Variants in RBFOX1 observed in about 807,000 individuals in gnomAD.
RBFOX1 encodes the protein RNA binding protein fox-1 homolog 1.
In RBFOX1, 8 loss-of-function variants were observed where a neutral mutation model predicts 57.7. The observed-to-expected ratio is 0.14, with a 90% CI of 0.08 to 0.25. The LOEUF (loss-of-function observed/expected upper bound fraction) is 0.25. Among genes scored for constraint, RBFOX1 ranks in the 10% least tolerant of loss-of-function variants. The pLI is 1.00. For missense variants in RBFOX1, 611 were observed against 548.5 expected, an observed-to-expected ratio of 1.11 and a Z score of -1.14; for synonymous variants, 326 against 222.4, an observed-to-expected ratio of 1.47 and a Z score of -4.15.
At chr16:5,491,936 G>A (rs553156846) in intron 2 of RBFOX1, among the ~76,000 whole-genome samples, 1 of 152,330 alleles carries the variant, frequency 6.6e-6, no homozygotes, top group East Asian at 1.9e-4. Flanking sequence ...AAGTTGGTCT[G>A]GGGTGGGGCC....
chr16:5,997,918 A>G (rs1456202694), intron 4 of RBFOX1, among the ~76,000 whole-genome samples: 1 of 152,170 alleles, frequency 6.6e-6, no homozygotes, highest in Non-Finnish European at 1.5e-5. Flanking sequence ...ATAACATGAA[A>G]TTTGAGTTCC....
chr16:7,587,995 A>C (rs1163053995), intron 7 of RBFOX1, among the ~76,000 whole-genome samples: 6 of 152,158 alleles, frequency 3.9e-5, no homozygotes, highest in Admixed American at 3.3e-4. Context: ...CCTGGGCAAC[A>C]TGGTGGAACC....
intron 3 of RBFOX1, among the ~76,000 whole-genome samples, chr16:6,734,770 T>C (rs2069653605): frequency 6.6e-6 from 1 of 152,156 alleles, no homozygotes; most frequent in Non-Finnish European, 1.5e-5. Context: ...ATCAGGACAA[T>C]ATAAGTTGTA....
At chr16:7,335,792 G>C (rs541474726) in intron 4 of RBFOX1, among the ~76,000 whole-genome samples, 4 of 152,174 alleles carry the variant, frequency 2.6e-5, no homozygotes, top group Admixed American at 2.0e-4. Context: ...AGGAAAATCA[G>C]AATCTTTATC....
At chr16:6,433,186 C>T (rs1597176828) in intron 2 of RBFOX1, among the ~76,000 whole-genome samples, 1 of 152,136 alleles carries the variant, frequency 6.6e-6, no homozygotes, top group African/African-American at 2.4e-5. Context: ...CAGTGAAAAG[C>T]AGTCAGGTGT....
At chr16:6,085,634 A>T (rs1231635185) in intron 1 of RBFOX1, among the ~76,000 whole-genome samples, 1 of 124,596 alleles carries the variant, frequency 8.0e-6, no homozygotes, top group Non-Finnish European at 1.9e-5. Flanking sequence ...CAGGCAGGAG[A>T]AGTAGCAGTG....
intron 4 of RBFOX1, among the ~76,000 whole-genome samples, chr16:7,215,213 G>A (rs1168368873): frequency 2.0e-5 from 3 of 152,128 alleles, no homozygotes; most frequent in East Asian, 1.9e-4. Context: ...AGCTTCATCC[G>A]TGTCTCCAAG....
At chr16:7,237,237 C>G (rs1431592305) in intron 4 of RBFOX1, among the ~76,000 whole-genome samples, 1 of 152,158 alleles carries the variant, frequency 6.6e-6, no homozygotes, top group African/African-American at 2.4e-5. Flanking sequence ...TCCAGAAGAC[C>G]ACATGCTGGA....
chr16:6,596,977 G>A (rs2097782294), intron 2 of RBFOX1, among the ~76,000 whole-genome samples: 2 of 152,136 alleles, frequency 1.3e-5, no homozygotes, highest in Non-Finnish European at 2.9e-5. Flanking sequence ...CTTTCTGAAT[G>A]AATGAGCTCT....
At chr16:6,941,592 C>T (rs769673127) in intron 3 of RBFOX1, among the ~76,000 whole-genome samples, 5 of 151,748 alleles carry the variant, frequency 3.3e-5, no homozygotes, top group Non-Finnish European at 5.9e-5. Context: ...ATCTCCTCTA[C>T]CTACTAAATT....
intron 1 of RBFOX1, among the ~76,000 whole-genome samples, chr16:6,167,323 TTCTC>T (rs1361458437): frequency 1.3e-5 from 2 of 152,208 alleles, no homozygotes; most frequent in Admixed American, 6.5e-5. Context: ...AAGTTGTACT[TTCTC>T]TGTGGACTTT....
At chr16:6,897,890 A>T (rs1003763203) in intron 3 of RBFOX1, among the ~76,000 whole-genome samples, 1 of 151,972 alleles carries the variant, frequency 6.6e-6, no homozygotes, top group Non-Finnish European at 1.5e-5. Context: ...TATATCCCCA[A>T]TTCCCTGGAG....
chr16:7,241,136 C>T (rs764577930), intron 4 of RBFOX1, among the ~76,000 whole-genome samples: 1 of 152,156 alleles, frequency 6.6e-6, no homozygotes, highest in East Asian at 1.9e-4. Context: ...GCAGAAGTAT[C>T]CCCTGCATTT....
chr16:7,668,661 A>C (rs1014145455), intron 13 of RBFOX1, among the ~76,000 whole-genome samples: 4 of 150,238 alleles, frequency 2.7e-5, no homozygotes, highest in African/African-American at 9.8e-5. Flanking sequence ...AACAGAACAG[A>C]ACACACACAC....
intron 3 of RBFOX1, among the ~76,000 whole-genome samples, chr16:6,916,425 G>T (rs1358510070): frequency 1.3e-5 from 2 of 152,014 alleles, no homozygotes; most frequent in Non-Finnish European, 1.5e-5. Context: ...CCCTAGGTGT[G>T]GAATTGCTGG....
At chr16:5,794,636 T>TG (rs1386302745) in intron 3 of RBFOX1, among the ~76,000 whole-genome samples, 6 of 152,008 alleles carry the variant, frequency 3.9e-5, no homozygotes, top group Admixed American at 3.9e-4. Context: ...TGCCTGTGGA[T>TG]GGGGGATGCA....
intron 10 of RBFOX1, among the ~76,000 whole-genome samples, chr16:7,609,546 G>T (rs963828442): frequency 6.8e-4 from 104 of 152,122 alleles, no homozygotes; most frequent in African/African-American, 2.3e-3. Flanking sequence ...AGATCATTAA[G>T]TTAGAGGAAA....
At chr16:5,279,289 T>TTTTTTG (rs796985604) in intron 1 of RBFOX1, among the ~76,000 whole-genome samples, 16 of 152,178 alleles carry the variant, frequency 1.1e-4, no homozygotes, top group South Asian at 2.1e-4. Context: ...ATTGTCGAGG[T>TTTTTTG]TTTTTGTTTT....
At chr16:5,341,586 G>A (rs902037407) in intron 1 of RBFOX1, among the ~76,000 whole-genome samples, 3 of 152,284 alleles carry the variant, frequency 2.0e-5, no homozygotes, top group African/African-American at 2.4e-5. Context: ...GACACACAAC[G>A]TGAGCAGTGA....
Sources: gnomAD v4.1 joint callset for allele counts (sites outside exome capture counted in the v4.1 genomes callset) on GRCh38, gnomAD v4.1.1 for gene constraint, MANE v1.5 for transcripts, NCBI Gene and HGNC (gene_info 2026-07-23, HGNC 2026-07-21) for gene names.